The following SLC16A12 variants were observed in gnomAD, a reference collection of about 807,000 sequenced individuals.
The protein encoded by SLC16A12 is solute carrier family 16 member 12.
Under a neutral mutation model 42.4 loss-of-function variants are expected in SLC16A12, and 17 were observed. The ratio of observed to expected loss-of-function variants is 0.40; its 90% CI spans 0.27 to 0.60. The LOEUF is 0.60. Among genes scored for constraint, SLC16A12 ranks in the 20% least tolerant of loss-of-function variants. The pLI, the probability that SLC16A12 is intolerant of heterozygous loss-of-function variation, is 0.42. For missense variants in SLC16A12, 544 were observed against 623.0 expected (o/e 0.87, Z 1.35); for synonymous variants, 224 against 229.4 (o/e 0.98, Z 0.21).
At chr10:89,463,495 G>GT (rs1378322182) in intron 2 of SLC16A12, among the ~76,000 whole-genome samples, 5 of 151,930 alleles carry the variant, frequency 3.3e-5, no homozygotes, top group African/African-American at 1.2e-4. Flanking sequence ...ATCAATAAAT[G>GT]TAAAAAAATA....
At chr10:89,555,497 G>GTGTA (rs199831571) in intron 2 of SLC16A12, among the ~76,000 whole-genome samples, 130 of 120,240 alleles carry the variant, frequency 1.1e-3, no homozygotes, top group Middle Eastern at 8.2e-3. Flanking sequence ...GTATATATAC[G>GTGTA]TATATACGTA....
upstream of SLC16A12, among the ~76,000 whole-genome samples, chr10:89,535,879 A>G (rs1201442050): frequency 6.6e-6 from 1 of 152,160 alleles, no homozygotes; most frequent in East Asian, 1.9e-4. Context: ...ACGCCGGGAG[A>G]GGGAAGCGTA....
At chr10:89,551,829 T>G (rs2133891162) in intron 2 of SLC16A12, among the ~76,000 whole-genome samples, 1 of 152,350 alleles carries the variant, frequency 6.6e-6, no homozygotes, top group Non-Finnish European at 1.5e-5. Context: ...CCAATTAAAC[T>G]TCTTTTTCTT....
intron 2 of SLC16A12, among the ~76,000 whole-genome samples, chr10:89,498,895 T>G (rs982622314): frequency 5.9e-5 from 9 of 152,150 alleles, no homozygotes; most frequent in African/African-American, 2.2e-4. Context: ...TCACTACAGC[T>G]TGGCTCTCAG....
At chr10:89,470,560 A>T (rs1246252597) in intron 2 of SLC16A12, among the ~76,000 whole-genome samples, 1 of 152,210 alleles carries the variant, frequency 6.6e-6, no homozygotes, top group African/African-American at 2.4e-5. Context: ...GAGACATGGA[A>T]GATAGGTGAG....
intron 2 of SLC16A12, among the ~76,000 whole-genome samples, chr10:89,500,942 A>G (rs547851523): frequency 6.6e-6 from 1 of 152,220 alleles, no homozygotes; most frequent in East Asian, 1.9e-4. Flanking sequence ...AACTCAGCAA[A>G]GTTTCCAGAC....
At chr10:89,517,343 C>T (rs1406136177) in intron 2 of SLC16A12, among the ~76,000 whole-genome samples, 2 of 151,872 alleles carry the variant, frequency 1.3e-5, no homozygotes, top group Non-Finnish European at 2.9e-5. Flanking sequence ...GAGACAGGGT[C>T]TCACTCTGAC....
rs368089896 is a variant in SLC16A12 at position 89,464,204 on chromosome 10, C to T, written c.-46-1580G>A. Among the ~76,000 whole-genome samples the T allele has an allele frequency of 5.5e-4, 83 of 152,104 alleles. 3 individuals carry two copies. The South Asian group carries it at 0.016, about 30-fold the overall frequency. On this transcript the variant is annotated intron_variant, in intron 2 of 7. Transcript: ENST00000371790. ...CAGGGTCTTTTGTTTTTTGCTTTTTCGCAAACATCCCAAGTGAGCCTGGAA... is the reference window on the plus strand; with the variant it reads ...CAGGGTCTTTTGTTTTTTGCTTTTTTGCAAACATCCCAAGTGAGCCTGGAA...
chr10:89,536,075 GCTTT>G (rs141898054), upstream of SLC16A12, among the ~76,000 whole-genome samples: 6,041 of 152,266 alleles, frequency 0.04, 396 homozygotes, highest in African/African-American at 0.14. Flanking sequence ...TAATGCACCG[GCTTT>G]CTGTGTCCCC....
At chr10:89,467,167 T>C (rs528246753) in intron 2 of SLC16A12, among the ~76,000 whole-genome samples, 1 of 152,362 alleles carries the variant, frequency 6.6e-6, no homozygotes, top group East Asian at 1.9e-4. Context: ...AAGGTTAAGT[T>C]GTTTTCCAGT....
intron 3 of SLC16A12, 39 bp from the exon 4 acceptor site, chr10:89,443,898 A>C: frequency 7.7e-7 from 1 of 1,296,752 alleles, no homozygotes; most frequent in Non-Finnish European, 1.1e-6. Flanking sequence ...CAAAAAATGA[A>C]TGAGCATGCA....
In SLC16A12 at chr10:89,505,323, G is replaced by C. The variant is rs894201781; in HGVS notation, c.-47+29178C>G. 2.0e-5 allele frequency among the ~76,000 whole-genome samples: 3 copies of C among 152,054 alleles called. No homozygotes were observed. In the East Asian group the frequency reaches 5.8e-4, roughly 29 times the overall value. On this transcript the variant is annotated intron_variant, in intron 2 of 7. Transcript: ENST00000371790. ...CCAGCTACTCGGGAGGCTGAGGCAG[G>C]AGAATCTCTTAAACCTGGGAGGTGG...
chr10:89,547,406 G>A (rs1482474817), intron 2 of SLC16A12, among the ~76,000 whole-genome samples: 4 of 152,114 alleles, frequency 2.6e-5, no homozygotes, highest in Admixed American at 1.3e-4. Flanking sequence ...ACAGTGCATG[G>A]CTCTCTATCA....
In SLC16A12 at chr10:89,441,513, G is replaced by A. The variant is rs1841911486; in HGVS notation, c.305-262C>T. 1.3e-5 allele frequency among the ~76,000 whole-genome samples: 2 copies of A among 152,146 alleles called. 1 individual carries two copies. The highest frequency in any genetic ancestry group is 4.1e-4 in the South Asian group (2 of 4,828). ...CTCTTCATTCTATTATAGTCATAAT[G>A]GCAGGACGGTAGGGTGTTTTTTAAA... is the stretch of plus-strand genomic sequence containing the variant. On this transcript the variant is annotated intron_variant, in intron 4 of 7. Transcript: ENST00000371790.
intron 2 of SLC16A12, among the ~76,000 whole-genome samples, chr10:89,481,631 G>GT (rs11315207): frequency 2.8e-4 from 40 of 141,608 alleles, no homozygotes; most frequent in East Asian, 6.1e-4. Context: ...AATTGACACT[G>GT]TTTTTTTTTT....
intron 3 of SLC16A12, among the ~76,000 whole-genome samples, chr10:89,459,233 C>T (rs1450879969): frequency 1.3e-5 from 2 of 151,986 alleles, no homozygotes; most frequent in African/African-American, 4.8e-5. Context: ...ACTATGACTT[C>T]GCATCGCTGA....
intron 2 of SLC16A12, among the ~76,000 whole-genome samples, chr10:89,499,374 G>A (rs1842964347): frequency 6.6e-6 from 1 of 152,132 alleles, no homozygotes; most frequent in African/African-American, 2.4e-5. Context: ...GACCAACATG[G>A]AGAACGCTCG....
chr10:89,436,715 T>A (rs188941387), intron 6 of SLC16A12, among the ~76,000 whole-genome samples: 1 of 150,758 alleles, frequency 6.6e-6, no homozygotes, highest in African/African-American at 2.4e-5. Context: ...CTGGGCCACA[T>A]TGGAAGAAGA....
chr10:89,458,340 T>A (rs1480938394), intron 3 of SLC16A12, among the ~76,000 whole-genome samples: 2 of 152,204 alleles, frequency 1.3e-5, no homozygotes, highest in African/African-American at 2.4e-5. Context: ...CTCTTCATGG[T>A]TCTTCCACAG....
Sources: allele counts gnomAD v4.1 joint callset (sites outside exome capture counted in the v4.1 genomes callset), GRCh38; gene constraint gnomAD v4.1.1; transcripts MANE v1.5; gene names NCBI Gene and HGNC (gene_info 2026-07-23, HGNC 2026-07-21).